TNRC6C: variants seen among roughly 807,000 people sequenced by gnomAD.
The protein encoded by TNRC6C is trinucleotide repeat-containing gene 6C protein.
A neutral mutation model predicts 153.7 loss-of-function variants in TNRC6C; 20 were observed. The observed-to-expected ratio is 0.13, with a 90% CI of 0.09 to 0.19. TNRC6C has a LOEUF of 0.19. Among genes scored for constraint, TNRC6C ranks in the 10% least tolerant of loss-of-function variants. The probability of loss-of-function intolerance (pLI) is 1.00; values close to 1 mark genes in which losing one functional copy is unlikely to be tolerated. For synonymous variants in TNRC6C, 811 were observed against 841.4 expected (o/e 0.96, Z 0.63); for missense variants, 1,987 against 2,172.0 (o/e 0.91, Z 1.69).
chr17:78,050,202 A>G (rs1157254454), exon 3 of TNRC6C: 3 of 1,540,832 alleles, frequency 1.9e-6, no homozygotes, highest in Non-Finnish European at 2.6e-6. Context: ...CTGGTGGTGA[A>G]CACATGAACT....
chr17:78,077,560 G>A (rs906467008), intron 9 of TNRC6C: 11 of 606,606 alleles, frequency 1.8e-5, no homozygotes, highest in African/African-American at 3.7e-5. Context: ...TAACTAAAAC[G>A]TGTTTGAGCT....
intron 1 of TNRC6C, among the ~76,000 whole-genome samples, chr17:77,959,717 C>T (rs557355074): frequency 6.6e-6 from 1 of 152,062 alleles, no homozygotes; most frequent in Non-Finnish European, 1.5e-5. Context: ...CGGAGAAGGA[C>T]CCCTGGGCGC....
In TNRC6C at chr17:78,075,266, C is replaced by T; in HGVS notation, c.3048C>T (p.Thr1016=). Residue 1016 remains threonine, a synonymous_variant, in exon 8 of 20, where the codon ACC becomes ACT. Coordinates refer to ENST00000301624, the Ensembl canonical transcript of TNRC6C. The surrounding 1 kb of genome is among the most constrained non-coding windows in gnomAD (Gnocchi z 4.2). ...AAGAGTCTTCCGTGGACCGCCCCAC[C>T]TTTCTTGACAAGGTATGAATATAGG... 1 of 1,593,570 alleles carries T rather than the reference C, an allele frequency of 6.3e-7. No individual in the cohort carries two copies. The highest frequency in any genetic ancestry group is 8.5e-7 in the Non-Finnish European group (1 of 1,169,802).
At position 78,086,360 on chromosome 17, in the gene TNRC6C, A is replaced by G. The variant is rs12450754; in HGVS notation, c.3478-143A>G. The G allele has an allele frequency of 2.4e-5, 7 of 287,270 alleles. No homozygotes were observed. In the East Asian group the frequency reaches 2.9e-4, roughly 12 times the overall value. 17.8% of individuals were successfully genotyped at this position (287,270 alleles called of 1,614,324 possible). ...AAAAAAAAAAAAAAAAAAAAAAAAA[A>G]CAGTATGTGTCAGCCACAGTATGGG... On this transcript the variant is annotated intron_variant, in intron 11 of 19. Coordinates refer to ENST00000301624, the Ensembl canonical transcript of TNRC6C.
chr17:78,090,964 G>T (rs1317443622), intron 13 of TNRC6C, among the ~76,000 whole-genome samples: 3 of 152,140 alleles, frequency 2.0e-5, no homozygotes, highest in Non-Finnish European at 4.4e-5. Flanking sequence ...CCAAAACAAA[G>T]AAAGATTTTC....
chr17:78,000,776 CAA>C (rs1251472383), upstream of TNRC6C, among the ~76,000 whole-genome samples: 3 of 152,054 alleles, frequency 2.0e-5, no homozygotes, highest in Non-Finnish European at 4.4e-5. Flanking sequence ...ACCTCAAAGA[CAA>C]AAACAGGCCC....
chr17:78,073,321 TTTC>T (rs2073030447), intron 7 of TNRC6C, among the ~76,000 whole-genome samples: 1 of 152,182 alleles, frequency 6.6e-6, no homozygotes, highest in South Asian at 2.1e-4. Context: ...CATGTTGGCT[TTTC>T]TCATATTTTC....
upstream of TNRC6C, among the ~76,000 whole-genome samples, chr17:78,000,615 T>TTCCCCCCCCC (rs2071396012): frequency 7.4e-5 from 1 of 13,496 alleles, no homozygotes; most frequent in African/African-American, 2.2e-4. Flanking sequence ...TCTTTCTCCC[T>TTCCCCCCCCC]CCGCCCCCCC....
chr17:78,083,561 C>A (rs2073220518), intron 11 of TNRC6C, among the ~76,000 whole-genome samples: 1 of 152,184 alleles, frequency 6.6e-6, no homozygotes, highest in Non-Finnish European at 1.5e-5. Context: ...TTAGGCATGT[C>A]TTTTCAGTTG....
At chr17:77,987,759 A>G (rs568909952) in intron 1 of TNRC6C, among the ~76,000 whole-genome samples, 96 of 152,212 alleles carry the variant, frequency 6.3e-4, no homozygotes, top group African/African-American at 2.3e-3. Flanking sequence ...AGCTCACCGC[A>G]ACCTCTGCCT....
intron 1 of TNRC6C, among the ~76,000 whole-genome samples, chr17:77,962,753 C>T (rs2070871167): frequency 6.6e-6 from 1 of 152,148 alleles, no homozygotes; most frequent in African/African-American, 2.4e-5. Context: ...ACCTTTTCTC[C>T]AGCTCTATCT....
At chr17:77,973,115 C>T (rs147214526) in intron 1 of TNRC6C, among the ~76,000 whole-genome samples, 18 of 152,248 alleles carry the variant, frequency 1.2e-4, no homozygotes, top group African/African-American at 4.1e-4. Flanking sequence ...CTATGTTGGC[C>T]AGGCTGGTTT....
exon 20 of TNRC6C, chr17:78,107,844 A>G (rs1033370550): frequency 6.6e-6 from 1 of 152,208 alleles, no homozygotes; most frequent in Admixed American, 6.5e-5. Context: ...GTTGGGGCTT[A>G]AAAAATATTT....
chr17:77,977,641 G>A (rs2071019288), intron 1 of TNRC6C, among the ~76,000 whole-genome samples: 1 of 151,980 alleles, frequency 6.6e-6, no homozygotes, highest in Non-Finnish European at 1.5e-5. Context: ...AATTATAAAA[G>A]AATTATCTCC....
chr17:77,987,968 C>T (rs1301117717), intron 1 of TNRC6C, among the ~76,000 whole-genome samples: 1 of 152,102 alleles, frequency 6.6e-6, no homozygotes, highest in African/African-American at 2.4e-5. Flanking sequence ...ATGTGAGCCA[C>T]CGTGCCCGGC....
At chr17:77,998,288 G>A (rs374095874) in intron 1 of TNRC6C, among the ~76,000 whole-genome samples, 11 of 152,220 alleles carry the variant, frequency 7.2e-5, no homozygotes, top group African/African-American at 2.6e-4. Flanking sequence ...CTTACATTTA[G>A]TATACGTTAT....
intron 5 of TNRC6C, among the ~76,000 whole-genome samples, chr17:78,070,796 C>T (rs553728584): frequency 5.3e-5 from 8 of 152,124 alleles, no homozygotes; most frequent in African/African-American, 1.7e-4. Context: ...TAAAAGTAGT[C>T]TATATTTGTG....
chr17:78,051,356 C>A lies in TNRC6C; in HGVS notation c.2294C>A (p.Thr765Asn), dbSNP rs936618583. The change falls in exon 3 of 20, where the codon ACC becomes AAC. Residue 765 changes from threonine (T) to asparagine (N), a missense_variant. Physicochemically the swap from Thr to Asn is moderately conservative, Grantham distance 65. This residue lies in a region of TNRC6C where 1,052 missense variants were observed against 1,017.0 expected (regional missense o/e 1.03). Transcript: ENST00000301624. ...ACGACCAATACCACCACCACCACCA[C>A]CACTACCACGAGCAACACCACACAC... is the stretch of plus-strand genomic sequence containing the variant. The A allele has an allele frequency of 2.6e-6, 4 of 1,551,598 alleles. No individual in the cohort carries two copies. In the East Asian group the frequency reaches 9.8e-5, roughly 38 times the overall value.
chr17:78,002,578 A>G (rs748447660), upstream of TNRC6C, among the ~76,000 whole-genome samples: 22 of 152,214 alleles, frequency 1.4e-4, no homozygotes, highest in Non-Finnish European at 2.8e-4. Context: ...GCTTCCTGCT[A>G]TAATCCCAGA....
Sources: gnomAD v4.1 joint callset for allele counts (sites outside exome capture counted in the v4.1 genomes callset) on GRCh38, gnomAD v4.1.1 for gene constraint, gnomAD v4.1.1 regional missense constraint, Gnocchi (gnomAD v3.1) non-coding constraint, MANE v1.5 for transcripts, NCBI Gene and HGNC (gene_info 2026-07-23, HGNC 2026-07-21) for gene names.